The following JARID2 variants were observed in gnomAD, a reference collection of about 807,000 sequenced individuals.
The protein encoded by JARID2 is jumonji and AT-rich interaction domain containing 2.
JARID2 carries 21 observed loss-of-function variants against 125.6 expected under a neutral mutation model. The observed-to-expected ratio is 0.17, with a 90% CI of 0.12 to 0.24. The LOEUF (loss-of-function observed/expected upper bound fraction) is 0.24. Ranked by LOEUF, JARID2 falls within the 10% of genes least tolerant of loss-of-function variation. The pLI, the probability that JARID2 is intolerant of heterozygous loss-of-function variation, is 1.00. For synonymous variants in JARID2, 736 were observed against 661.6 expected (o/e 1.11, Z -1.73); for missense variants, 1,303 against 1,639.6 (o/e 0.79, Z 3.55).
intron 1 of JARID2, among the ~76,000 whole-genome samples, chr6:15,345,331 A>G (rs1040790113): frequency 6.6e-5 from 10 of 152,306 alleles, no homozygotes; most frequent in African/African-American, 2.4e-4. Context: ...ACCTCCGGCT[A>G]CCCAACTCTG....
rs116599870 is a variant in JARID2 at position 15,285,078 on chromosome 6, A to T, written c.45+38494A>T. Among the ~76,000 whole-genome samples the T allele has an allele frequency of 4.2e-3, 617 of 147,618 alleles. 3 individuals are homozygous for T. The highest frequency in any genetic ancestry group is 0.015 in the African/African-American group (582 of 39,680). On this transcript the variant is annotated intron_variant, in intron 1 of 17. Transcript: ENST00000341776. Reference sequence around the variant, plus strand: ...TTTCAGAACAATTGCATTGAATTGAACTTTTGCATTAATGTGAGTCTTTCT... The same window carrying T: ...TTTCAGAACAATTGCATTGAATTGATCTTTTGCATTAATGTGAGTCTTTCT...
At chr6:15,399,136 G>A (rs1045800015) in intron 2 of JARID2, among the ~76,000 whole-genome samples, 2 of 152,176 alleles carry the variant, frequency 1.3e-5, no homozygotes, top group African/African-American at 2.4e-5. Context: ...TAACAGGAAC[G>A]TGCTGCACTG....
chr6:15,496,206 G>A lies in JARID2; in HGVS notation c.981G>A (p.Glu327=). The change falls in exon 7 of 18, where the codon GAG becomes GAA. Residue 327 remains glutamate (E), a synonymous_variant. Transcript: ENST00000341776. ...TAACCAGTGCCAAAAAGATGCGCGA[G>A]GTCAGACCTTCACCATCCAAAACTG... ...AGVTSAKKMR[E]VRPSPSKTVK... The A allele has an allele frequency of 1.9e-6, 3 of 1,614,136 alleles. No homozygotes were observed. The highest frequency in any genetic ancestry group is 1.1e-5 in the South Asian group (1 of 91,072).
At chr6:15,427,808 T>A (rs1766795586) in intron 3 of JARID2, among the ~76,000 whole-genome samples, 1 of 152,084 alleles carries the variant, frequency 6.6e-6, no homozygotes, top group Admixed American at 6.6e-5. Flanking sequence ...AGTCACCTGG[T>A]TTGTGAAGGA....
intron 9 of JARID2, chr6:15,505,096 A>AG (rs1312981856): frequency 4.5e-5 from 7 of 154,450 alleles, no homozygotes; most frequent in African/African-American, 1.7e-4. Flanking sequence ...CAGACCAATT[A>AG]GGGGGAGTTT....
rs750825328 is a variant in JARID2 at position 15,501,328 on chromosome 6, C to G, written c.2367C>G (p.Leu789=). 6 of 1,606,646 alleles carry G rather than the reference C, an allele frequency of 3.7e-6. No homozygotes were observed. The East Asian group carries it at 1.1e-4, about 30-fold the overall frequency. ...AGTTGAAGACTGGCCGGCGGCGACT[C>G]TTCGCTCAGGAAAAAGAAGTGGTCA... ...QAQLKTGRRR[L]FAQEKEVVKE... Residue 789 remains leucine, a synonymous_variant, in exon 8 of 18, where the codon CTC becomes CTG. Transcript: ENST00000341776.
rs1369089619 is a variant in JARID2 at position 15,496,476 on chromosome 6, A to C, written c.1251A>C (p.Ser417=). The change falls in exon 7 of 18, where the codon TCA becomes TCC. Residue 417 remains serine, a synonymous_variant. Transcript: ENST00000341776. ...TCAGTGGCAGGTTGAACCCAAAGTC[A>C]TGCACTAAGGAGGTGGGGGGGCGGC... The part of the protein sequence containing the change: ...LKVSGRLNPK[S]CTKEVGGRQL... The C allele has an allele frequency of 6.2e-7, 1 of 1,612,708 alleles. No homozygotes were observed. The highest frequency in any genetic ancestry group is 2.2e-5 in the East Asian group (1 of 44,850).
intron 1 of JARID2, among the ~76,000 whole-genome samples, chr6:15,372,843 G>C (rs1241484496): frequency 3.3e-5 from 5 of 152,042 alleles, no homozygotes; most frequent in African/African-American, 7.2e-5. Context: ...TGAATAGCTG[G>C]GATTACAGTC....
intron 1 of JARID2, among the ~76,000 whole-genome samples, chr6:15,263,046 T>C (rs926207557): frequency 1.5e-4 from 23 of 151,772 alleles, no homozygotes; most frequent in African/African-American, 5.6e-4. Flanking sequence ...CTTCTGGGGC[T>C]CTAGCTTGCC....
chr6:15,293,107 G>C (rs1381839499), intron 1 of JARID2, among the ~76,000 whole-genome samples: 1 of 152,188 alleles, frequency 6.6e-6, no homozygotes, highest in Non-Finnish European at 1.5e-5. Context: ...TCTCTTCTCT[G>C]TGTGAGTAAA....
chr6:15,512,725 G>A (rs576057611), intron 14 of JARID2, among the ~76,000 whole-genome samples, 190 bp from the exon 15 acceptor site: 8 of 152,184 alleles, frequency 5.3e-5, no homozygotes, highest in Admixed American at 2.0e-4. Context: ...GGGTAGCGGC[G>A]AAGTGCTATG....
rs142532617 is a variant in JARID2 at position 15,496,684 on chromosome 6, A to G, written c.1459A>G (p.Lys487Glu). The G allele has an allele frequency of 1.2e-3, 1,860 of 1,613,196 alleles. 7 individuals carry two copies. The highest frequency in any genetic ancestry group is 1.4e-3 in the South Asian group (130 of 91,080). Residue 487 changes from lysine to glutamate, a missense_variant, in exon 7 of 18, where the codon AAG becomes GAG. This residue lies in a region of JARID2 where 651 missense variants were observed against 581.6 expected (regional missense o/e 1.12). Coordinates refer to ENST00000341776, the MANE Select transcript of JARID2 (RefSeq NM_004973.4). ...ERGLLNGHVKKEVPERSLERN... is the reference protein window; with the variant it reads ...ERGLLNGHVKEEVPERSLERN... Reference sequence around the variant, plus strand: ...AGGTCTGCTGAACGGACACGTGAAGAAGGAAGTGCCGGAGCGCAGTCTGGA... The same window carrying G: ...AGGTCTGCTGAACGGACACGTGAAGGAGGAAGTGCCGGAGCGCAGTCTGGA...
chr6:15,258,243 C>T (rs959841568), intron 1 of JARID2, among the ~76,000 whole-genome samples: 2 of 152,116 alleles, frequency 1.3e-5, no homozygotes, highest in African/African-American at 4.8e-5. Context: ...TACGACATTG[C>T]CCTTGTCTGA....
chr6:15,334,646 G>A (rs1474427635), intron 1 of JARID2, among the ~76,000 whole-genome samples: 2 of 152,150 alleles, frequency 1.3e-5, no homozygotes, highest in South Asian at 4.1e-4. Context: ...GGCCAAGTCA[G>A]GTACAGGCTG....
intron 1 of JARID2, among the ~76,000 whole-genome samples, chr6:15,268,662 A>T (rs766272841): frequency 4.6e-5 from 7 of 152,136 alleles, no homozygotes; most frequent in Non-Finnish European, 1.0e-4. Context: ...GCTCTTTCAC[A>T]TGCACACGTC....
chr6:15,500,947 T>A lies in JARID2; in HGVS notation c.1986T>A (p.Ile662=), dbSNP rs757822947. Residue 662 remains isoleucine (I), a synonymous_variant, in exon 8 of 18, where the codon ATT becomes ATA. Transcript: ENST00000341776. ...ACCTGGCCTGCTTTTTCCGGCTGAT[T>A]AATGAGATGGGCGGCATGCAGCAAG... ...ELDLACFFRL[I]NEMGGMQQVT... The A allele has an allele frequency of 3.1e-6, 5 of 1,613,508 alleles. No individual in the cohort carries two copies. The Admixed American group carries it at 5.0e-5, about 16-fold the overall frequency.
At chr6:15,429,445 T>G (rs1160263939) in intron 3 of JARID2, among the ~76,000 whole-genome samples, 1 of 152,050 alleles carries the variant, frequency 6.6e-6, no homozygotes, top group East Asian at 1.9e-4. Flanking sequence ...TTTTCATATT[T>G]TGTAGAGGTT....
intron 1 of JARID2, among the ~76,000 whole-genome samples, chr6:15,266,241 G>T (rs1420683538): frequency 1.3e-5 from 2 of 152,076 alleles, no homozygotes; most frequent in Non-Finnish European, 2.9e-5. Flanking sequence ...TCCTTGTATG[G>T]CCCCTCTTTT....
intron 3 of JARID2, among the ~76,000 whole-genome samples, chr6:15,415,402 C>G (rs368660662): frequency 1.3e-5 from 2 of 151,418 alleles, no homozygotes; most frequent in East Asian, 2.0e-4. Flanking sequence ...CGGGCAGAGG[C>G]GCCCCTCACC....
Sources: allele counts gnomAD v4.1 joint callset (sites outside exome capture counted in the v4.1 genomes callset), GRCh38; gene constraint gnomAD v4.1.1; regional missense constraint gnomAD v4.1.1; transcripts MANE v1.5; gene names NCBI Gene and HGNC (gene_info 2026-07-23, HGNC 2026-07-21).